The following MYLK variants were observed in gnomAD, a reference collection of about 807,000 sequenced individuals.
MYLK encodes the protein myosin light chain kinase, smooth muscle.
Under a neutral mutation model 203.4 loss-of-function variants are expected in MYLK, and 106 were observed. The observed-to-expected ratio is 0.52, with a 90% CI of 0.45 to 0.61. The LOEUF (loss-of-function observed/expected upper bound fraction) is 0.61. Ranked by LOEUF, MYLK falls within the 20% of genes least tolerant of loss-of-function variation. The pLI, the probability that MYLK is intolerant of heterozygous loss-of-function variation, is 0.00. For synonymous variants in MYLK, 867 were observed against 959.5 expected (o/e 0.90, Z 1.78); for missense variants, 2,072 against 2,442.3 (o/e 0.85, Z 3.20).
At chr3:123,743,939 A>G (rs938863614) in intron 5 of MYLK, among the ~76,000 whole-genome samples, 2 of 152,222 alleles carry the variant, frequency 1.3e-5, no homozygotes, top group Non-Finnish European at 2.9e-5. Flanking sequence ...ATGCCAGGAT[A>G]GCAGGAGAAA....
intron 3 of MYLK, among the ~76,000 whole-genome samples, chr3:123,797,690 C>T (rs753478534): frequency 4.6e-5 from 7 of 152,184 alleles, no homozygotes; most frequent in Non-Finnish European, 1.0e-4. Context: ...CAGCTGTGAG[C>T]TGGGCAAGGT....
intron 1 of MYLK, among the ~76,000 whole-genome samples, 196 bp downstream of exon 1, chr3:123,884,002 CAAAAGAAA>C (rs2033698740): frequency 6.6e-6 from 1 of 152,260 alleles, no homozygotes; most frequent in South Asian, 2.1e-4. Context: ...TTCATCTCCC[CAAAAGAAA>C]ACTCGTGCAG....
intron 3 of MYLK, among the ~76,000 whole-genome samples, chr3:123,823,567 C>T (rs1331574557): frequency 6.6e-6 from 1 of 152,130 alleles, no homozygotes; most frequent in Non-Finnish European, 1.5e-5. Context: ...CCACTGCCAC[C>T]AGCCATCCAA....
At chr3:123,625,338 TTGCAC>T (rs2058085077) in intron 31 of MYLK, 1 of 152,174 alleles carries the variant, frequency 6.6e-6, no homozygotes, top group Non-Finnish European at 1.5e-5. Context: ...CAGTTCCCCA[TTGCAC>T]TACGTAGTCC....
intron 11 of MYLK, among the ~76,000 whole-genome samples, chr3:123,730,301 C>T (rs1158131427): frequency 2.6e-5 from 4 of 152,182 alleles, no homozygotes; most frequent in Admixed American, 1.3e-4. Flanking sequence ...AAAACTGCAA[C>T]ACTTGTACAT....
At chr3:123,805,299 G>C (rs1414770483) in intron 3 of MYLK, among the ~76,000 whole-genome samples, 2 of 152,128 alleles carry the variant, frequency 1.3e-5, no homozygotes, top group African/African-American at 4.8e-5. Flanking sequence ...TCTGCCTCCC[G>C]TGGCTGAAGC....
intron 14 of MYLK, chr3:123,709,289 G>A (rs554332262): frequency 5.2e-4 from 121 of 231,038 alleles, no homozygotes; most frequent in Admixed American, 1.6e-3. Flanking sequence ...TACAGGCACC[G>A]GCCACCACAC....
intron 3 of MYLK, among the ~76,000 whole-genome samples, chr3:123,807,578 C>G (rs1248359961): frequency 6.6e-6 from 1 of 152,178 alleles, no homozygotes; most frequent in Non-Finnish European, 1.5e-5. Flanking sequence ...AGTCATCAAT[C>G]CCTTGCCCAG....
chr3:123,664,964 T>C (rs954804150), intron 22 of MYLK, among the ~76,000 whole-genome samples: 7 of 152,120 alleles, frequency 4.6e-5, no homozygotes, highest in Non-Finnish European at 8.8e-5. Flanking sequence ...TGTCAGGGCC[T>C]GGGGGAAGGA....
chr3:123,658,508 A>C lies in MYLK; in HGVS notation c.3986-1080T>G, dbSNP rs1576457307. Among the ~76,000 whole-genome samples, 6 of 152,322 alleles carry C rather than the reference A, an allele frequency of 3.9e-5. 1 individual carries two copies. The South Asian group carries it at 1.2e-3, about 32-fold the overall frequency. On this transcript the variant is annotated intron_variant, in intron 23 of 33. Transcript: ENST00000360304. Reference sequence around the variant, plus strand: ...AGTTACAGATATCTGTGTTGTGTTCATTAACCCTTCATCTCCCCCAATGCT... The same window carrying C: ...AGTTACAGATATCTGTGTTGTGTTCCTTAACCCTTCATCTCCCCCAATGCT...
chr3:123,659,320 C>T (rs2059490567), intron 23 of MYLK, among the ~76,000 whole-genome samples: 1 of 152,116 alleles, frequency 6.6e-6, no homozygotes, highest in Non-Finnish European at 1.5e-5. Flanking sequence ...CTGCTTTGGT[C>T]AAGAAAAGAA....
intron 24 of MYLK, among the ~76,000 whole-genome samples, chr3:123,651,293 A>T (rs1190098395): frequency 6.6e-6 from 1 of 152,210 alleles, no homozygotes; most frequent in Non-Finnish European, 1.5e-5. Context: ...GAACTCACAC[A>T]TGAGAAGTAC....
In MYLK at chr3:123,692,620, G is replaced by A. The variant is rs528844842; in HGVS notation, c.3565+115C>T. 48 of 909,334 alleles carry A rather than the reference G, an allele frequency of 5.3e-5. 1 individual carries two copies. In the Middle Eastern group the frequency reaches 1.2e-3, roughly 23 times the overall value. 56.3% of individuals were successfully genotyped at this position (909,334 alleles called of 1,614,324 possible). A position where few individuals can be genotyped will look rare whatever the true frequency, so the allele number is the denominator to read the frequency against. On this transcript the variant is annotated intron_variant, in intron 19 of 33. Coordinates refer to ENST00000360304, the MANE Select transcript of MYLK (RefSeq NM_053025.4). ...CATCCAAAATGAATGCCTTTGGGTAGGGAGGGCAGTGTTGGAGGCAGTTCT... is the reference window on the plus strand; with the variant it reads ...CATCCAAAATGAATGCCTTTGGGTAAGGAGGGCAGTGTTGGAGGCAGTTCT...
Position 123,629,530 on chromosome 3 carries a change from A to T in MYLK, c.5058T>A (p.Asp1686Glu). ...AATCCTTGGCATCGTCGGAGATCTC[A>T]TCGAATGCCTCGTCGTCGAAGTCCC... ...ATWDFDDEAF[D>E]EISDDAKDFI... Residue 1686 changes from aspartate (D) to glutamate (E), a missense_variant, in exon 30 of 34, where the codon GAT becomes GAA. Transcript: ENST00000360304. The surrounding 1 kb of genome is among the most constrained non-coding windows in gnomAD (Gnocchi z 4.4). The T allele has an allele frequency of 6.2e-7, 1 of 1,604,884 alleles. No individual in the cohort carries two copies. Among genetic ancestry groups the T allele is most frequent in the Non-Finnish European group, 8.5e-7 (1 of 1,172,088 alleles).
chr3:123,690,868 A>G (rs1446223706), intron 19 of MYLK, among the ~76,000 whole-genome samples: 2 of 152,120 alleles, frequency 1.3e-5, no homozygotes, highest in Non-Finnish European at 2.9e-5. Context: ...GGGATAAATA[A>G]TGATGGTCAT....
chr3:123,842,838 C>A (rs1467178477), intron 2 of MYLK, among the ~76,000 whole-genome samples: 1 of 152,266 alleles, frequency 6.6e-6, no homozygotes, highest in Admixed American at 6.5e-5. Flanking sequence ...ACAAAGATCT[C>A]TCCTTTGAGG....
At chr3:123,815,029 GTGATT>G (rs2065700492) in intron 3 of MYLK, among the ~76,000 whole-genome samples, 1 of 152,114 alleles carries the variant, frequency 6.6e-6, no homozygotes, top group Non-Finnish European at 1.5e-5. Flanking sequence ...CTGACCTCAG[GTGATT>G]CACCCACCTT....
chr3:123,771,225 T>G (rs898089751), intron 4 of MYLK, among the ~76,000 whole-genome samples: 14 of 151,626 alleles, frequency 9.2e-5, no homozygotes, highest in African/African-American at 3.4e-4. Flanking sequence ...TTTCAGTTTC[T>G]TCCACTGAAC....
Position 123,645,913 on chromosome 3 carries a change from G to A in MYLK, c.4619+1311C>T, listed in dbSNP as rs563683365. Among the ~76,000 whole-genome samples, 42 of 152,340 alleles carry A rather than the reference G, an allele frequency of 2.8e-4. 1 individual carries two copies. In the South Asian group the frequency reaches 8.5e-3, roughly 31 times the overall value. ...AATCCCAGCACTTTGGGAGGCTGAG[G>A]CAGATGGATCGCTTGAGCCCAGGAG... On this transcript the variant is annotated intron_variant, in intron 27 of 33. Coordinates refer to ENST00000360304, the MANE Select transcript of MYLK (RefSeq NM_053025.4).
Sources: gnomAD v4.1 joint callset for allele counts (sites outside exome capture counted in the v4.1 genomes callset) on GRCh38, gnomAD v4.1.1 for gene constraint, Gnocchi (gnomAD v3.1) non-coding constraint, MANE v1.5 for transcripts, NCBI Gene and HGNC (gene_info 2026-07-23, HGNC 2026-07-21) for gene names.